Variants in SCAND3 observed in about 807,000 individuals in gnomAD.
SCAND3 encodes SCAN domain-containing protein 3.
chr6:28,576,149 G>A, the SCAND3 span: 1 of 1,545,716 alleles, frequency 6.5e-7, no homozygotes, highest in South Asian at 1.3e-5. Context: ...AAAAACAAAG[G>A]AAAAAAATCA....
chr6:28,605,682 A>T, the SCAND3 span, among the ~76,000 whole-genome samples: 4 of 150,144 alleles, frequency 2.7e-5, no homozygotes, highest in East Asian at 7.8e-4. Context: ...AAAATACAAA[A>T]AAAAAAAAAA....
chr6:28,600,400 A>C, the SCAND3 span, among the ~76,000 whole-genome samples: 1 of 152,210 alleles, frequency 6.6e-6, no homozygotes, highest in African/African-American at 2.4e-5. Flanking sequence ...TGGGAGGCTA[A>C]GGCAGGCGGA....
At chr6:28,579,566 T>A in the SCAND3 span, 1 of 758,956 alleles carries the variant, frequency 1.3e-6, no homozygotes, top group Non-Finnish European at 2.1e-6. This position sits in a 1 kb window ranked among gnomAD's most constrained non-coding sequence, Gnocchi z 4.5. Context: ...TGAAGAGAAA[T>A]GAAAAATGCT....
At chr6:28,601,067 T>G in the SCAND3 span, among the ~76,000 whole-genome samples, 1 of 151,984 alleles carries the variant, frequency 6.6e-6, no homozygotes, top group African/African-American at 2.4e-5. Flanking sequence ...CACGCCCAGC[T>G]AATTTCTTTT....
chr6:28,574,428 A>G, the SCAND3 span, among the ~76,000 whole-genome samples: 1 of 152,152 alleles, frequency 6.6e-6, no homozygotes, highest in Non-Finnish European at 1.5e-5. Flanking sequence ...ACACAAACCC[A>G]TATCTTCCAA....
At chr6:28,604,516 T>C in the SCAND3 span, among the ~76,000 whole-genome samples, 1 of 150,974 alleles carries the variant, frequency 6.6e-6, no homozygotes, top group South Asian at 2.1e-4. Flanking sequence ...TTCGGGAGGC[T>C]GAGGCAGGAG....
the SCAND3 span, chr6:28,575,584 C>G: frequency 1.2e-6 from 2 of 1,613,974 alleles, no homozygotes; most frequent in Admixed American, 1.7e-5. The surrounding 1 kb of genome is among the most constrained non-coding windows in gnomAD (Gnocchi z 4.2). Context: ...TACTTGGCAT[C>G]TTGAACTAAC....
chr6:28,575,353 C>T, the SCAND3 span: 1 of 1,614,056 alleles, frequency 6.2e-7, no homozygotes. The surrounding 1 kb of genome is among the most constrained non-coding windows in gnomAD (Gnocchi z 4.2). Context: ...CCAAATATTA[C>T]TGAGTTCACT....
At chr6:28,594,232 C>T in the SCAND3 span, 2 of 152,172 alleles carry the variant, frequency 1.3e-5, no homozygotes, top group African/African-American at 2.4e-5. Context: ...AGCAGTCCCA[C>T]GTCTAGGAAT....
chr6:28,594,528 G>A, the SCAND3 span, among the ~76,000 whole-genome samples: 3 of 152,224 alleles, frequency 2.0e-5, no homozygotes, highest in South Asian at 2.1e-4. Context: ...GATGGCACAT[G>A]CTTGTAATCC....
the SCAND3 span, among the ~76,000 whole-genome samples, chr6:28,607,466 C>A: frequency 2.0e-5 from 3 of 151,622 alleles, no homozygotes; most frequent in Admixed American, 2.0e-4. Flanking sequence ...TATGGTATTA[C>A]TGAAAAACAG....
At chr6:28,602,158 G>A in the SCAND3 span, among the ~76,000 whole-genome samples, 1 of 151,976 alleles carries the variant, frequency 6.6e-6, no homozygotes, top group Non-Finnish European at 1.5e-5. Flanking sequence ...TTTTTCTGAT[G>A]GGTTATCTTT....
At chr6:28,612,885 C>T in the SCAND3 span, among the ~76,000 whole-genome samples, 1 of 152,182 alleles carries the variant, frequency 6.6e-6, no homozygotes, top group African/African-American at 2.4e-5. Context: ...ACTTGTGTCA[C>T]TTAGCTGATG....
At chr6:28,602,956 A>ATTT in the SCAND3 span, among the ~76,000 whole-genome samples, 813 of 94,362 alleles carry the variant, frequency 8.6e-3, 9 homozygotes, top group African/African-American at 0.019. Flanking sequence ...CCAAAAAAAA[A>ATTT]TTTTTTTTTT....
the SCAND3 span, among the ~76,000 whole-genome samples, chr6:28,608,573 G>C: frequency 4.6e-5 from 7 of 152,182 alleles, no homozygotes; most frequent in African/African-American, 1.4e-4. Flanking sequence ...GCCTACGCCA[G>C]AGCTAGTATG....
At chr6:28,594,403 C>T in the SCAND3 span, among the ~76,000 whole-genome samples, 2 of 152,208 alleles carry the variant, frequency 1.3e-5, no homozygotes, top group African/African-American at 4.8e-5. Flanking sequence ...GCCTGTAATC[C>T]CAGCATTTTG....
the SCAND3 span, among the ~76,000 whole-genome samples, chr6:28,614,005 C>T: frequency 4.6e-5 from 7 of 151,588 alleles, 1 homozygote; most frequent in African/African-American, 1.5e-4. Flanking sequence ...CTCTTGTTGC[C>T]CAGGATGGAG....
At chr6:28,583,411 C>T in the SCAND3 span, among the ~76,000 whole-genome samples, 1 of 152,056 alleles carries the variant, frequency 6.6e-6, no homozygotes, top group South Asian at 2.1e-4. Context: ...ACAACAACAA[C>T]AACAATTCAA....
At chr6:28,575,478 TA>T in the SCAND3 span, 2 of 1,613,854 alleles carry the variant, frequency 1.2e-6, no homozygotes, top group African/African-American at 2.7e-5. This position sits in a 1 kb window ranked among gnomAD's most constrained non-coding sequence, Gnocchi z 4.2. Flanking sequence ...TTTTAGACTT[TA>T]ATGACCGCAA....
Sources: allele counts gnomAD v4.1 joint callset (sites outside exome capture counted in the v4.1 genomes callset), GRCh38; gene constraint gnomAD v4.1.1; non-coding constraint Gnocchi (gnomAD v3.1); transcripts MANE v1.5; gene names NCBI Gene and HGNC (gene_info 2026-07-23, HGNC 2026-07-21).